The following ST18 variants were observed in gnomAD, a reference collection of about 807,000 sequenced individuals.
ST18 encodes suppression of tumorigenicity 18 protein.
In ST18, 50 loss-of-function variants were observed where a neutral mutation model predicts 110.0. The ratio of observed to expected loss-of-function variants is 0.45; its 90% confidence interval spans 0.36 to 0.58. The LOEUF (loss-of-function observed/expected upper bound fraction) is 0.58, where lower values mean the gene tolerates loss of function less well. Among genes scored for constraint, ST18 ranks in the 20% least tolerant of loss-of-function variants. ST18 has a pLI of 0.00. For missense variants in ST18, 1,306 were observed against 1,280.1 expected, an observed-to-expected ratio of 1.02 and a Z score of -0.31; for synonymous variants, 461 against 452.4, an observed-to-expected ratio of 1.02 and a Z score of -0.24.
chr8:52,237,967 C>G (rs1307374060), intron 2 of ST18, among the ~76,000 whole-genome samples: 1 of 152,108 alleles, frequency 6.6e-6, no homozygotes, highest in Non-Finnish European at 1.5e-5. Flanking sequence ...AGAAGATGTT[C>G]AACATCATTA....
At chr8:52,358,829 A>T (rs1274045045) in intron 2 of ST18, among the ~76,000 whole-genome samples, 1 of 151,974 alleles carries the variant, frequency 6.6e-6, no homozygotes, top group African/African-American at 2.4e-5. Flanking sequence ...TTCCAAAAAA[A>T]ATAGAAGAAG....
intron 2 of ST18, among the ~76,000 whole-genome samples, chr8:52,242,851 G>A (rs553050077): frequency 1.1e-3 from 165 of 149,474 alleles, no homozygotes; most frequent in African/African-American, 3.9e-3. Flanking sequence ...CAGCCAGGGT[G>A]ACAAGAGTGA....
intron 2 of ST18, among the ~76,000 whole-genome samples, chr8:52,339,435 C>A (rs1813804917): frequency 6.6e-6 from 1 of 152,262 alleles, no homozygotes; most frequent in African/African-American, 2.4e-5. Context: ...GACAAAACCT[C>A]ACCATGGAGG....
chr8:52,400,833 A>T (rs568805996), intron 2 of ST18, among the ~76,000 whole-genome samples: 27 of 152,244 alleles, frequency 1.8e-4, no homozygotes, highest in African/African-American at 6.3e-4. Flanking sequence ...TAACCTTCAT[A>T]CTAGAGAGTT....
At chr8:52,123,524 A>T (rs2045830634) in intron 23 of ST18, among the ~76,000 whole-genome samples, 1 of 152,204 alleles carries the variant, frequency 6.6e-6, no homozygotes, top group Non-Finnish European at 1.5e-5. Flanking sequence ...TTTCTCATGC[A>T]AAGTCATTGT....
At chr8:52,309,543 A>AAAAAAAAAAC (rs2095869555) in intron 2 of ST18, among the ~76,000 whole-genome samples, 1 of 150,740 alleles carries the variant, frequency 6.6e-6, no homozygotes, top group African/African-American at 2.4e-5. Flanking sequence ...AAAAAAAAAA[A>AAAAAAAAAAC]AGAAATCACG....
intron 2 of ST18, among the ~76,000 whole-genome samples, chr8:52,300,869 G>T (rs2095710444): frequency 6.6e-6 from 1 of 152,108 alleles, no homozygotes; most frequent in Non-Finnish European, 1.5e-5. Flanking sequence ...ACCTCTAGCA[G>T]AACTGTCAGA....
chr8:52,183,400 A>G (rs1416409763), intron 8 of ST18, among the ~76,000 whole-genome samples: 8 of 152,220 alleles, frequency 5.3e-5, no homozygotes, highest in Non-Finnish European at 1.0e-4. Context: ...TATAAAAATA[A>G]AGTTCAAGAT....
chr8:52,314,587 C>T (rs905257112), intron 2 of ST18, among the ~76,000 whole-genome samples: 7 of 152,164 alleles, frequency 4.6e-5, no homozygotes, highest in Non-Finnish European at 1.0e-4. Context: ...TGACTTATAG[C>T]CCAGCTTTCT....
intron 2 of ST18, among the ~76,000 whole-genome samples, chr8:52,300,248 A>C (rs1351616667): frequency 6.6e-6 from 1 of 152,224 alleles, no homozygotes; most frequent in Non-Finnish European, 1.5e-5. Context: ...TTACTTATTA[A>C]GCCAGGTAGT....
At chr8:52,366,350 C>A (rs1000886174) in intron 2 of ST18, among the ~76,000 whole-genome samples, 2 of 152,148 alleles carry the variant, frequency 1.3e-5, no homozygotes, top group African/African-American at 4.8e-5. Context: ...AACATAAATC[C>A]CACCATGTTT....
At chr8:52,292,636 T>A (rs1016643930) in intron 2 of ST18, among the ~76,000 whole-genome samples, 2 of 152,232 alleles carry the variant, frequency 1.3e-5, no homozygotes, top group African/African-American at 4.8e-5. Context: ...TGGCTCAGCA[T>A]TCCTGTCAGT....
chr8:52,124,589 T>C (rs2046253217), intron 23 of ST18, among the ~76,000 whole-genome samples: 1 of 152,206 alleles, frequency 6.6e-6, no homozygotes, highest in Admixed American at 6.5e-5. Context: ...TGTCCCAATT[T>C]CACTGCATAT....
At chr8:52,272,630 T>C (rs1467141547) in intron 2 of ST18, among the ~76,000 whole-genome samples, 2 of 152,158 alleles carry the variant, frequency 1.3e-5, no homozygotes, top group African/African-American at 2.4e-5. Flanking sequence ...TGGAAATTAG[T>C]ATAGGTTCAG....
intron 2 of ST18, among the ~76,000 whole-genome samples, chr8:52,276,241 A>G (rs1321117268): frequency 1.3e-4 from 2 of 15,114 alleles, no homozygotes; most frequent in Non-Finnish European, 3.3e-4. Flanking sequence ...CACACCACAC[A>G]CACCATGCAT....
At chr8:52,275,709 T>A (rs892955268) in intron 2 of ST18, among the ~76,000 whole-genome samples, 1 of 152,094 alleles carries the variant, frequency 6.6e-6, no homozygotes, top group Non-Finnish European at 1.5e-5. Flanking sequence ...TACCATTTTG[T>A]GAAGCCGATA....
chr8:52,130,166 A>AT, intron 22 of ST18, among the ~76,000 whole-genome samples: 2 of 120,150 alleles, frequency 1.7e-5, no homozygotes, highest in Admixed American at 1.6e-4. Flanking sequence ...AAAGAAAGAA[A>AT]AAGAAAAGAA....
At chr8:52,300,103 A>G (rs1012750412) in intron 2 of ST18, among the ~76,000 whole-genome samples, 4 of 152,176 alleles carry the variant, frequency 2.6e-5, no homozygotes, top group African/African-American at 9.7e-5. Context: ...CTGCTTATTT[A>G]GCTCAGTGGT....
intron 25 of ST18, 133 bp downstream of exon 25, chr8:52,116,142 G>T: frequency 1.1e-6 from 1 of 938,572 alleles, no homozygotes; most frequent in Non-Finnish European, 1.5e-6. Flanking sequence ...AAGCCAGACT[G>T]TGATGAAGTG....
Sources: allele counts gnomAD v4.1 joint callset (sites outside exome capture counted in the v4.1 genomes callset), GRCh38; gene constraint gnomAD v4.1.1; transcripts MANE v1.5; gene names NCBI Gene and HGNC (gene_info 2026-07-23, HGNC 2026-07-21).